The following RAB11FIP5 variants were observed in gnomAD, a reference collection of about 807,000 sequenced individuals.
The protein encoded by RAB11FIP5 is RAB11 family interacting protein 5.
Under a neutral mutation model 85.1 loss-of-function variants are expected in RAB11FIP5, and 48 were observed. The ratio of observed to expected loss-of-function variants is 0.56; its 90% CI spans 0.45 to 0.72. RAB11FIP5 has a LOEUF of 0.72. Ranked by LOEUF, RAB11FIP5 falls within the 30% of genes least tolerant of loss-of-function variation. The pLI is 0.00. For missense variants in RAB11FIP5, 1,491 were observed against 1,687.0 expected, an observed-to-expected ratio of 0.88 and a Z score of 2.04; for synonymous variants, 729 against 727.3, an observed-to-expected ratio of 1.00 and a Z score of -0.04.
chr2:73,094,334 G>A (rs898749516), intron 1 of RAB11FIP5, among the ~76,000 whole-genome samples: 6 of 152,134 alleles, frequency 3.9e-5, no homozygotes, highest in Non-Finnish European at 8.8e-5. Context: ...GGCCTGACCT[G>A]TCACTTTCAT....
rs1167680383 is a variant in RAB11FIP5 at position 73,075,456 on chromosome 2, CAGG to C, written c.*62_*64del. 2 of 1,485,228 alleles carry C rather than the reference CAGG, an allele frequency of 1.3e-6. No individual in the cohort carries two copies. Among genetic ancestry groups the C allele is most frequent in the East Asian group, 2.3e-5 (1 of 44,294 alleles). 92.0% of individuals were successfully genotyped at this position (1,485,228 alleles called of 1,614,324 possible). A position where few individuals can be genotyped will look rare whatever the true frequency, so the allele number is the denominator to read the frequency against. Reference sequence around the variant, plus strand: ...ATGCCCCACTGCAGATGAGAGAGTTCAGGAGGAGAGAGGGCAGGCAGCAATAGG... The same window carrying C: ...ATGCCCCACTGCAGATGAGAGAGTTCAGGAGAGAGGGCAGGCAGCAATAGG... On this transcript the variant is annotated 3_prime_UTR_variant, in exon 6 of 6. Transcript: ENST00000486777. This position sits in a 1 kb window ranked among gnomAD's most constrained non-coding sequence, Gnocchi z 4.6.
At position 73,081,393 on chromosome 2, in the gene RAB11FIP5, T is replaced by C; in HGVS notation, c.1839A>G (p.Ile613Met). The change falls in exon 4 of 6, where the codon ATA becomes ATG. Residue 613 changes from isoleucine to methionine, a missense_variant. By Grantham distance (10) the Ile-to-Met change is conservative. Transcript: ENST00000486777. This position sits in a 1 kb window ranked among gnomAD's most constrained non-coding sequence, Gnocchi z 4.2. ...LQSNPFFEEL[I>M]ADIALNSPSP... is the part of the protein sequence containing the mutation. ...AAGGAGAGTTTAGTGCTATGTCGGC[T>C]ATGAGCTCCTCGAAGAAGGGGTTGC... 1 of 1,232,456 alleles carries C rather than the reference T, an allele frequency of 8.1e-7. No homozygotes were observed. Among genetic ancestry groups the C allele is most frequent in the Non-Finnish European group, 1.0e-6 (1 of 988,222 alleles). 76.3% of individuals were successfully genotyped at this position (1,232,456 alleles called of 1,614,324 possible). A position where few individuals can be genotyped will look rare whatever the true frequency, so the allele number is the denominator to read the frequency against.
rs181498306 is a variant in RAB11FIP5, at chr2:73,075,137, C to G, written c.*384G>C. On this transcript the variant is annotated 3_prime_UTR_variant, in exon 6 of 6. Coordinates refer to ENST00000486777, the MANE Select transcript of RAB11FIP5 (RefSeq NM_001371272.1). The surrounding 1 kb of genome is among the most constrained non-coding windows in gnomAD (Gnocchi z 4.6). ...GGGCTTTGGCTGTGGGAAGAAATGG[C>G]TGACCATCCTTGGGGGATAATAAAG... The G allele has an allele frequency of 1.6e-5, 7 of 446,072 alleles. No individual in the cohort carries two copies. In the East Asian group the frequency reaches 2.9e-4, roughly 18 times the overall value. 27.6% of individuals were successfully genotyped at this position (446,072 alleles called of 1,614,324 possible).
rs944432493 is a variant in RAB11FIP5 at position 73,080,467 on chromosome 2, G to A, written c.2765C>T (p.Ala922Val). Residue 922 changes from alanine (A) to valine (V), a missense_variant, in exon 4 of 6, where the codon GCA becomes GTA. Physicochemically the swap from Ala to Val is moderately conservative, Grantham distance 64. Transcript: ENST00000486777. ...CGGCCCCCTGTTACTCAGCCCCACT[G>A]CGGCCTTCTCCTCCTCCTCCTCCTG... ...RSQEEEEEKA[A>V]VGLSNRGPET... is the part of the protein sequence containing the mutation. 83 of 1,233,636 alleles carry A rather than the reference G, an allele frequency of 6.7e-5. No homozygotes were observed. The African/African-American group carries it at 1.2e-3, about 18-fold the overall frequency. The allele number at this position is 1,233,636 out of a possible 1,614,324, so 76.4% of individuals were successfully genotyped here. A position where few individuals can be genotyped will look rare whatever the true frequency, so the allele number is the denominator to read the frequency against.
rs115611236 is a variant in RAB11FIP5 at position 73,108,686 on chromosome 2, C to T, written c.431+3661G>A. 6.6e-3 allele frequency among the ~76,000 whole-genome samples: 1,004 copies of T among 152,316 alleles called. 17 individuals carry two copies. The highest frequency in any genetic ancestry group is 0.023 in the African/African-American group (942 of 41,564). On this transcript the variant is annotated intron_variant, in intron 1 of 5. Coordinates refer to ENST00000486777, the MANE Select transcript of RAB11FIP5 (RefSeq NM_001371272.1). The stretch of plus-strand genomic sequence containing the variant: ...GGGAACAAGGAAAACTAACTAACCA[C>T]CACATCCCATCCCTGTCTTGGGAGT...
At chr2:73,092,108 C>T (rs1395133573) in intron 1 of RAB11FIP5, among the ~76,000 whole-genome samples, 1 of 152,198 alleles carries the variant, frequency 6.6e-6, no homozygotes, top group Non-Finnish European at 1.5e-5. Flanking sequence ...CAGTGACCAC[C>T]GTGGGCCTGA....
At position 73,112,789 on chromosome 2, in the gene RAB11FIP5, G is replaced by C. The variant is rs1275667311; in HGVS notation, c.-12C>G. 4.9e-6 allele frequency: 7 copies of C among 1,418,306 alleles called. No homozygotes were observed. Among genetic ancestry groups the C allele is most frequent in the East Asian group, 2.8e-5 (1 of 35,758 alleles). The allele number at this position is 1,418,306 out of a possible 1,614,324, so 87.9% of individuals were successfully genotyped here. ...CGCACCAGGGCCATGGCGGAGAAGC[G>C]GGGGGCGAGGTCTGGCCGAGCCGGT... On this transcript the variant is annotated 5_prime_UTR_variant, in exon 1 of 6. Transcript: ENST00000486777.
In RAB11FIP5 at chr2:73,074,949, T is replaced by C; in HGVS notation, c.*572A>G. 1 of 344,268 alleles carries C rather than the reference T, an allele frequency of 2.9e-6. No individual in the cohort carries two copies. The highest frequency in any genetic ancestry group is 5.7e-6 in the Non-Finnish European group (1 of 174,358). The allele number at this position is 344,268 out of a possible 1,614,324, so 21.3% of individuals were successfully genotyped here. A position where few individuals can be genotyped will look rare whatever the true frequency, so the allele number is the denominator to read the frequency against. ...TCCAGACTGAAGCAGACTCAGGACATGGCAGAGACTGGCCCAGACCACACA... is the reference window on the plus strand; with the variant it reads ...TCCAGACTGAAGCAGACTCAGGACACGGCAGAGACTGGCCCAGACCACACA... On this transcript the variant is annotated 3_prime_UTR_variant, in exon 6 of 6. Transcript: ENST00000486777.
Position 73,080,149 on chromosome 2 carries a change from G to C in RAB11FIP5, c.3083C>G (p.Pro1028Arg). The C allele has an allele frequency of 8.1e-7, 1 of 1,232,154 alleles. No homozygotes were observed. The highest frequency in any genetic ancestry group is 1.0e-6 in the Non-Finnish European group (1 of 988,012). 76.3% of individuals were successfully genotyped at this position (1,232,154 alleles called of 1,614,324 possible). ...IWGTPEVGEGPEAPEAQGQDP... is the reference protein window; with the variant it reads ...IWGTPEVGEGREAPEAQGQDP... ...CTGGCCCTGGGCCTCAGGAGCCTCA[G>C]GGCCTTCTCCAACCTCTGGAGTCCC... The change falls in exon 4 of 6, where the codon CCT becomes CGT. Residue 1028 changes from proline (P) to arginine (R), a missense_variant. This residue lies in a region of RAB11FIP5 where 1,211 missense variants were observed against 1,338.0 expected (regional missense o/e 0.91). Coordinates refer to ENST00000486777, the MANE Select transcript of RAB11FIP5 (RefSeq NM_001371272.1).
rs755409958 is a variant in RAB11FIP5, at chr2:73,075,526, T to TG, written c.3969dup (p.Lys1324GlnfsTer112). On this transcript the variant is annotated frameshift_variant, in exon 6 of 6. Coordinates refer to ENST00000486777, the MANE Select transcript of RAB11FIP5 (RefSeq NM_001371272.1). LOFTEE classifies it high-confidence loss of function. The surrounding 1 kb of genome is among the most constrained non-coding windows in gnomAD (Gnocchi z 4.6). ...TGGGGGTAGGGTGAGGAAGGCTATT[T>TG]GGGGGGGCCCGGGGGGATCTGCAGC... 1.2e-6 allele frequency: 2 copies of TG among 1,613,560 alleles called. No homozygotes were observed. The highest frequency in any genetic ancestry group is 1.7e-6 in the Non-Finnish European group (2 of 1,179,746).
chr2:73,112,791 G>C lies in RAB11FIP5; in HGVS notation c.-14C>G, dbSNP rs905226644. The stretch of plus-strand genomic sequence containing the variant: ...CACCAGGGCCATGGCGGAGAAGCGG[G>C]GGGCGAGGTCTGGCCGAGCCGGTGC... On this transcript the variant is annotated 5_prime_UTR_variant, in exon 1 of 6. Transcript: ENST00000486777. 4 of 1,418,244 alleles carry C rather than the reference G, an allele frequency of 2.8e-6. No individual in the cohort carries two copies. The highest frequency in any genetic ancestry group is 3.0e-5 in the African/African-American group (2 of 66,170). The allele number at this position is 1,418,244 out of a possible 1,614,324, so 87.9% of individuals were successfully genotyped here.
chr2:73,094,345 C>T (rs1684278691), intron 1 of RAB11FIP5, among the ~76,000 whole-genome samples: 1 of 152,134 alleles, frequency 6.6e-6, no homozygotes, highest in Admixed American at 6.5e-5. Flanking sequence ...TCACTTTCAT[C>T]CAGGGCAGAG....
chr2:73,095,521 T>A (rs1351100235), intron 1 of RAB11FIP5, among the ~76,000 whole-genome samples: 1 of 152,212 alleles, frequency 6.6e-6, no homozygotes, highest in Non-Finnish European at 1.5e-5. Context: ...GGCTAGAGAA[T>A]GGCCAGAGCT....
At chr2:73,108,798 C>A (rs534028839) in intron 1 of RAB11FIP5, among the ~76,000 whole-genome samples, 15 of 152,268 alleles carry the variant, frequency 9.9e-5, no homozygotes, top group African/African-American at 3.6e-4. Context: ...AATCCCAGCA[C>A]TTTGGGAGGC....
At chr2:73,097,407 T>C (rs1367300477) in intron 1 of RAB11FIP5, among the ~76,000 whole-genome samples, 2 of 152,348 alleles carry the variant, frequency 1.3e-5, no homozygotes, top group East Asian at 3.9e-4. Context: ...TGTGTCCCCA[T>C]GTGCACATCA....
rs1683831190 is a variant in RAB11FIP5 at position 73,075,359 on chromosome 2, G to A, written c.*162C>T. The stretch of plus-strand genomic sequence containing the variant: ...ACCTGATGCCTCCAAAGGGAATCCA[G>A]AGGGCCCCCTTCCAGCAGCCCCAGT... On this transcript the variant is annotated 3_prime_UTR_variant, in exon 6 of 6. Transcript: ENST00000486777. This position sits in a 1 kb window ranked among gnomAD's most constrained non-coding sequence, Gnocchi z 4.6. 1.3e-6 allele frequency: 1 copy of A among 773,206 alleles called. No individual in the cohort carries two copies. Among genetic ancestry groups the A allele is most frequent in the East Asian group, 2.6e-5 (1 of 38,210 alleles). The allele number at this position is 773,206 out of a possible 1,614,324, so 47.9% of individuals were successfully genotyped here. A position where few individuals can be genotyped will look rare whatever the true frequency, so the allele number is the denominator to read the frequency against.
rs534801700 is a variant in RAB11FIP5, at chr2:73,081,028, G to T, written c.2204C>A (p.Ala735Glu). 4.9e-6 allele frequency: 6 copies of T among 1,232,358 alleles called. No individual in the cohort carries two copies. In the African/African-American group the frequency reaches 9.3e-5, roughly 19 times the overall value. The allele number at this position is 1,232,358 out of a possible 1,614,324, so 76.3% of individuals were successfully genotyped here. A position where few individuals can be genotyped will look rare whatever the true frequency, so the allele number is the denominator to read the frequency against. The change falls in exon 4 of 6, where the codon GCG becomes GAG. Residue 735 changes from alanine to glutamate, a missense_variant. By Grantham distance (107) the Ala-to-Glu change is moderately radical. Transcript: ENST00000486777. The surrounding 1 kb of genome is among the most constrained non-coding windows in gnomAD (Gnocchi z 4.2). ...GAGGAGCCCTGGGTCAGCCGCGCTC[G>T]CGCTCTGGTGGTTCGGTCCCAAGTC... ...PLDLGPNHQSASAADPGLLGS... is the reference protein window; with the variant it reads ...PLDLGPNHQSESAADPGLLGS...
In RAB11FIP5 at chr2:73,081,519, G is replaced by C. The variant is rs945495558; in HGVS notation, c.1713C>G (p.Pro571=). The change falls in exon 4 of 6, where the codon CCC becomes CCG. Residue 571 remains proline, a synonymous_variant. Coordinates refer to ENST00000486777, the MANE Select transcript of RAB11FIP5 (RefSeq NM_001371272.1). This position sits in a 1 kb window ranked among gnomAD's most constrained non-coding sequence, Gnocchi z 4.2. ...CGGCAGCGGCAGCAGTGGCAGCAGCGGGGGAGGCGGCTGCAAAAAGGTTAG... is the reference window on the plus strand; with the variant it reads ...CGGCAGCGGCAGCAGTGGCAGCAGCCGGGGAGGCGGCTGCAAAAAGGTTAG... ...LSTNLFAAAS[P]AAATAAAAAT... 12 of 1,227,294 alleles carry C rather than the reference G, an allele frequency of 9.8e-6. No individual in the cohort carries two copies. Among genetic ancestry groups the C allele is most frequent in the Non-Finnish European group, 1.1e-5 (11 of 983,192 alleles). The allele number at this position is 1,227,294 out of a possible 1,614,324, so 76.0% of individuals were successfully genotyped here.
intron 1 of RAB11FIP5, among the ~76,000 whole-genome samples, chr2:73,109,665 C>A (rs1684602558): frequency 6.6e-6 from 1 of 152,204 alleles, no homozygotes; most frequent in African/African-American, 2.4e-5. Flanking sequence ...AGAGGCCTCT[C>A]AAGCCCAGCC....
Sources: gnomAD v4.1 joint callset for allele counts (sites outside exome capture counted in the v4.1 genomes callset) on GRCh38, gnomAD v4.1.1 for gene constraint, gnomAD v4.1.1 regional missense constraint, Gnocchi (gnomAD v3.1) non-coding constraint, MANE v1.5 for transcripts, NCBI Gene and HGNC (gene_info 2026-07-23, HGNC 2026-07-21) for gene names.